The following QSER1 variants were observed in gnomAD, a reference collection of about 807,000 sequenced individuals.
The protein encoded by QSER1 is glutamine and serine-rich protein 1.
A neutral mutation model predicts 158.5 loss-of-function variants in QSER1; 49 were observed. That is an observed-to-expected ratio of 0.31 (90% CI 0.25 to 0.39). QSER1 has a LOEUF of 0.39. Ranked by LOEUF, QSER1 falls within the 10% of genes least tolerant of loss-of-function variation. The probability of loss-of-function intolerance (pLI) is 1.00; values close to 1 mark genes in which losing one functional copy is unlikely to be tolerated. For synonymous variants in QSER1, 650 were observed against 715.5 expected (o/e 0.91, Z 1.46); for missense variants, 1,754 against 2,010.3 (o/e 0.87, Z 2.44).
Position 32,933,374 on chromosome 11 carries a change from T to C in QSER1, c.2116T>C (p.Ser706Pro). 1.2e-6 allele frequency: 2 copies of C among 1,613,810 alleles called. No homozygotes were observed. Among genetic ancestry groups the C allele is most frequent in the South Asian group, 1.1e-5 (1 of 91,000 alleles). Residue 706 changes from serine (S) to proline (P), a missense_variant, in exon 4 of 13, where the codon TCT (serine) becomes CCT (proline). Ser to Pro is a moderately conservative substitution (Grantham distance 74). This residue lies in a region of QSER1 where 1,707 missense variants were observed against 1,919.6 expected (regional missense o/e 0.89). Transcript: ENST00000650167. ...GTTACAGGTGTTGCAGCCACAAGCA[T>C]CTCTTGAGTCATCAACCCAAAGGCT... The part of the protein sequence containing the change: ...QELQVLQPQA[S>P]LESSTQRLSD...
At chr11:32,915,025 T>C (rs1303328331) in intron 1 of QSER1, among the ~76,000 whole-genome samples, 2 of 152,088 alleles carry the variant, frequency 1.3e-5, no homozygotes. Context: ...GCTCAAGCCA[T>C]CCTCCCACCT....
rs770622416 is a variant in QSER1 at position 32,933,779 on chromosome 11, T to G, written c.2521T>G (p.Leu841Val). 3.7e-6 allele frequency: 6 copies of G among 1,613,990 alleles called. No individual in the cohort carries two copies. The South Asian group carries it at 5.5e-5, about 15-fold the overall frequency. ...TCAGATTCAAATTCCAAATCATGCTTTAGGGCATGGCCATCAGGCATCTCT... is the reference window on the plus strand; with the variant it reads ...TCAGATTCAAATTCCAAATCATGCTGTAGGGCATGGCCATCAGGCATCTCT... ...SSQIQIPNHA[L>V]GHGHQASLPN... Residue 841 changes from leucine (L) to valine (V), a missense_variant, in exon 4 of 13, where the codon TTA (leucine) becomes GTA (valine). Around this residue, in one of 2 missense-constraint regions of QSER1, gnomAD observed 1,707 missense variants for 1,919.6 expected, o/e 0.89. Coordinates refer to ENST00000650167, the MANE Select transcript of QSER1 (RefSeq NM_001076786.3).
At chr11:32,895,201 G>T (rs1295280218) in intron 1 of QSER1, among the ~76,000 whole-genome samples, 1 of 152,148 alleles carries the variant, frequency 6.6e-6, no homozygotes, top group South Asian at 2.1e-4. Flanking sequence ...ATCTAAAGGA[G>T]ATTTATTTTC....
At chr11:32,965,967 A>ACACACACG (rs1217195836) in intron 8 of QSER1, among the ~76,000 whole-genome samples, 1 of 151,324 alleles carries the variant, frequency 6.6e-6, no homozygotes, top group African/African-American at 2.4e-5. Context: ...ACACACACAC[A>ACACACACG]CACACACACA....
At chr11:32,948,246 A>C (rs765617967) in intron 4 of QSER1, among the ~76,000 whole-genome samples, 5 of 152,242 alleles carry the variant, frequency 3.3e-5, no homozygotes, top group Non-Finnish European at 7.3e-5. Flanking sequence ...TGATGTGAAG[A>C]AGCAAATTTA....
At chr11:32,909,811 G>A (rs1336596876) in intron 1 of QSER1, among the ~76,000 whole-genome samples, 3 of 152,090 alleles carry the variant, frequency 2.0e-5, no homozygotes, top group Non-Finnish European at 4.4e-5. Context: ...CTTGGGAGTC[G>A]TGTGTATGGG....
At position 32,932,732 on chromosome 11, in the gene QSER1, T is replaced by C; in HGVS notation, c.1474T>C (p.Ser492Pro). Residue 492 changes from serine (S) to proline (P), a missense_variant, in exon 4 of 13, where the codon TCC (serine) becomes CCC (proline). Ser to Pro is a moderately conservative substitution (Grantham distance 74). Coordinates refer to ENST00000650167, the MANE Select transcript of QSER1 (RefSeq NM_001076786.3). Reference sequence around the variant, plus strand: ...TATTGTTCATTCACAGGTTTATAGGTCCAGCAAGGTTGAGAAATTGCCACC... The same window carrying C: ...TATTGTTCATTCACAGGTTTATAGGCCCAGCAAGGTTGAGAAATTGCCACC... ...PSIVHSQVYR[S>P]SKVEKLPPLY... is the part of the protein sequence containing the mutation. The C allele has an allele frequency of 6.2e-7, 1 of 1,614,152 alleles. No individual in the cohort carries two copies. Among genetic ancestry groups the C allele is most frequent in the Non-Finnish European group, 8.5e-7 (1 of 1,180,004 alleles).
intron 3 of QSER1, among the ~76,000 whole-genome samples, chr11:32,929,639 A>G (rs2133540963): frequency 6.6e-6 from 1 of 152,330 alleles, no homozygotes; most frequent in South Asian, 2.1e-4. Context: ...AAAAACATAC[A>G]CAACATATAA....
intron 1 of QSER1, among the ~76,000 whole-genome samples, chr11:32,902,716 C>T (rs1436965470): frequency 6.6e-6 from 1 of 152,114 alleles, no homozygotes; most frequent in Non-Finnish European, 1.5e-5. Context: ...GAATGAAGGG[C>T]TGAGAACTGA....
At chr11:32,920,589 A>C (rs1394949204) in intron 1 of QSER1, among the ~76,000 whole-genome samples, 1 of 152,226 alleles carries the variant, frequency 6.6e-6, no homozygotes, top group Non-Finnish European at 1.5e-5. Flanking sequence ...ATAACCACTG[A>C]ATGGAAAACA....
At chr11:32,925,284 C>T (rs981900106) in intron 1 of QSER1, among the ~76,000 whole-genome samples, 6 of 152,014 alleles carry the variant, frequency 3.9e-5, no homozygotes, top group African/African-American at 1.4e-4. Context: ...TTTAAAAGGG[C>T]TAAAGATTTG....
chr11:32,917,841 A>AAC (rs1554925367), intron 1 of QSER1, among the ~76,000 whole-genome samples: 2 of 151,158 alleles, frequency 1.3e-5, no homozygotes, highest in African/African-American at 2.4e-5. Context: ...AAAAAAAAAA[A>AAC]AAACCAGCAT....
chr11:32,917,840 A>AAC (rs1851854334), intron 1 of QSER1, among the ~76,000 whole-genome samples: 1 of 151,004 alleles, frequency 6.6e-6, no homozygotes, highest in African/African-American at 2.4e-5. Flanking sequence ...AAAAAAAAAA[A>AAC]AAAACCAGCA....
At position 32,932,285 on chromosome 11, in the gene QSER1, A is replaced by G. The variant is rs1303577568; in HGVS notation, c.1027A>G (p.Ser343Gly). ...GACTGGTTCACAGCACTCCTTACAT[A>G]GTTATCTATCAAATTCAAGTGTAGT... is the stretch of plus-strand genomic sequence containing the variant. ...QLTGSQHSLHSYLSNSSVVNF... is the reference protein window; with the variant it reads ...QLTGSQHSLHGYLSNSSVVNF... Residue 343 changes from serine to glycine, a missense_variant, in exon 4 of 13, where the codon AGT (serine) becomes GGT (glycine). This residue lies in a region of QSER1 where 1,707 missense variants were observed against 1,919.6 expected (regional missense o/e 0.89). Coordinates refer to ENST00000650167, the MANE Select transcript of QSER1 (RefSeq NM_001076786.3). 1.2e-6 allele frequency: 2 copies of G among 1,613,836 alleles called. No homozygotes were observed. The highest frequency in any genetic ancestry group is 4.5e-5 in the East Asian group (2 of 44,894).
intron 12 of QSER1, 122 bp downstream of exon 12, chr11:32,975,465 T>C (rs1852959116): frequency 1.3e-6 from 2 of 1,521,906 alleles, no homozygotes; most frequent in South Asian, 2.4e-5. Context: ...ATTTTGTCTA[T>C]GTATTCTGTA....
chr11:32,935,317 A>G lies in QSER1; in HGVS notation c.4059A>G (p.Glu1353=). ...DKVDNELKNL[E]HLSSFSSDED... ...TTGATAATGAACTTAAAAACTTGGAACATTTATCTTCATTTTCTTCTGATG... is the reference window on the plus strand; with the variant it reads ...TTGATAATGAACTTAAAAACTTGGAGCATTTATCTTCATTTTCTTCTGATG... The change falls in exon 4 of 13, where the codon GAA becomes GAG. Residue 1353 remains glutamate, a synonymous_variant. Transcript: ENST00000650167. 1 of 1,613,896 alleles carries G rather than the reference A, an allele frequency of 6.2e-7. No individual in the cohort carries two copies. The highest frequency in any genetic ancestry group is 8.5e-7 in the Non-Finnish European group (1 of 1,179,866).
intron 8 of QSER1, among the ~76,000 whole-genome samples, chr11:32,964,701 G>GAAA (rs144702721): frequency 1.0e-5 from 1 of 98,716 alleles, no homozygotes; most frequent in Non-Finnish European, 1.9e-5. Flanking sequence ...CTATCTCTAA[G>GAAA]AAAAAAAAAA....
intron 1 of QSER1, among the ~76,000 whole-genome samples, chr11:32,920,042 A>C (rs1044343584): frequency 6.6e-5 from 10 of 152,028 alleles, no homozygotes; most frequent in Non-Finnish European, 1.0e-4. Flanking sequence ...TTCCTGCCCC[A>C]GTACTAGAAT....
At chr11:32,929,168 A>G (rs562696980) in intron 3 of QSER1, among the ~76,000 whole-genome samples, 91 of 152,130 alleles carry the variant, frequency 6.0e-4, no homozygotes, top group African/African-American at 2.0e-3. Context: ...CTGGAGTGCA[A>G]TGGCACAATC....
Sources: allele counts gnomAD v4.1 joint callset (sites outside exome capture counted in the v4.1 genomes callset), GRCh38; gene constraint gnomAD v4.1.1; regional missense constraint gnomAD v4.1.1; transcripts MANE v1.5; gene names NCBI Gene and HGNC (gene_info 2026-07-23, HGNC 2026-07-21).